Variants in FSTL4 observed in about 807,000 individuals in gnomAD.
The protein encoded by FSTL4 is follistatin like 4.
FSTL4 carries 28 observed loss-of-function variants against 78.2 expected under a neutral mutation model. The ratio of observed to expected loss-of-function variants is 0.36; its 90% CI spans 0.27 to 0.49. FSTL4 has a LOEUF of 0.49. FSTL4 is among the 20% of genes least tolerant of loss of function. The pLI, the probability that FSTL4 is intolerant of heterozygous loss-of-function variation, is 0.98. For synonymous variants in FSTL4, 422 were observed against 440.5 expected (o/e 0.96, Z 0.53); for missense variants, 922 against 1,084.9 (o/e 0.85, Z 2.11).
chr5:133,312,423 C>A, intron 6 of FSTL4: 3 of 551,884 alleles, frequency 5.4e-6, no homozygotes, highest in African/African-American at 1.9e-5. Flanking sequence ...CCTCAAAGAG[C>A]GAGAAAAATC....
At chr5:133,704,169 C>T in the FSTL4 span, among the ~76,000 whole-genome samples, 4 of 152,164 alleles carry the variant, frequency 2.6e-5, no homozygotes, top group Non-Finnish European at 4.4e-5. Flanking sequence ...GTTCTGCAAA[C>T]AGCTGTCTAT....
chr5:133,277,193 G>A (rs1313122431), intron 6 of FSTL4, among the ~76,000 whole-genome samples: 1 of 152,126 alleles, frequency 6.6e-6, no homozygotes, highest in Non-Finnish European at 1.5e-5. Context: ...GTGTGCCCCT[G>A]TAATCCCAGC....
chr5:133,343,775 A>G (rs1754639140), intron 4 of FSTL4, among the ~76,000 whole-genome samples: 1 of 152,154 alleles, frequency 6.6e-6, no homozygotes, highest in Admixed American at 6.6e-5. Context: ...ACTTGAATTC[A>G]ATTGCTAGAT....
the FSTL4 span, among the ~76,000 whole-genome samples, chr5:133,665,899 CTGTT>C: frequency 1.3e-5 from 2 of 152,222 alleles, no homozygotes; most frequent in African/African-American, 4.8e-5. Flanking sequence ...GGGAGCACCT[CTGTT>C]TGAAGCCTGC....
At chr5:133,240,225 T>A (rs377684418) in intron 7 of FSTL4, among the ~76,000 whole-genome samples, 1 of 152,162 alleles carries the variant, frequency 6.6e-6, no homozygotes, top group African/African-American at 2.4e-5. Flanking sequence ...CTTTAAGAAC[T>A]GTGACACTCA....
rs187197857 is a variant in FSTL4, at chr5:133,413,192, G to A, written c.161-12206C>T. 3.3e-3 allele frequency among the ~76,000 whole-genome samples: 496 copies of A among 152,066 alleles called. 2 individuals are homozygous for A. Among genetic ancestry groups the A allele is most frequent in the African/African-American group, 0.011 (477 of 41,498 alleles). On this transcript the variant is annotated intron_variant, in intron 3 of 15. Coordinates refer to ENST00000265342, the MANE Select transcript of FSTL4 (RefSeq NM_015082.2). ...AGAACACCTTAGAACCTTTCCTGAC[G>A]TAACTATATGACAATACTGTATATT...
intron 14 of FSTL4, among the ~76,000 whole-genome samples, chr5:133,205,434 C>T (rs1750467921): frequency 1.3e-5 from 2 of 151,918 alleles, no homozygotes; most frequent in African/African-American, 4.8e-5. Flanking sequence ...ACATGCGTCT[C>T]TCCTGTGAAA....
upstream of FSTL4, among the ~76,000 whole-genome samples, chr5:133,616,871 C>T (rs866243542): frequency 3.9e-5 from 6 of 152,288 alleles, no homozygotes; most frequent in Middle Eastern, 6.8e-3. Flanking sequence ...ACCTCTTTGA[C>T]CCTAACCTGG....
the FSTL4 span, among the ~76,000 whole-genome samples, chr5:133,683,034 G>C: frequency 6.6e-6 from 1 of 152,228 alleles, no homozygotes; most frequent in Non-Finnish European, 1.5e-5. Flanking sequence ...TTGGGATGTG[G>C]TTGAAGCCTT....
intron 4 of FSTL4, among the ~76,000 whole-genome samples, chr5:133,356,878 C>A (rs2126931122): frequency 6.6e-6 from 1 of 152,362 alleles, no homozygotes; most frequent in East Asian, 1.9e-4. Flanking sequence ...CCACATCACA[C>A]AGCCCCTTCC....
the FSTL4 span, among the ~76,000 whole-genome samples, chr5:133,764,558 A>G: frequency 6.6e-6 from 1 of 151,946 alleles, no homozygotes; most frequent in African/African-American, 2.4e-5. Context: ...TCTCCCCCAA[A>G]ACAATGCACC....
At chr5:133,291,756 C>T (rs1246623040) in intron 6 of FSTL4, among the ~76,000 whole-genome samples, 2 of 152,058 alleles carry the variant, frequency 1.3e-5, no homozygotes, top group Non-Finnish European at 2.9e-5. Context: ...AGTTCCTGTA[C>T]AGGTGTAGGG....
At chr5:133,776,141 T>G in the FSTL4 span, among the ~76,000 whole-genome samples, 1 of 151,986 alleles carries the variant, frequency 6.6e-6, no homozygotes, top group Admixed American at 6.6e-5. Flanking sequence ...GCTCCACCCA[T>G]CTCTACCCTG....
intron 6 of FSTL4, among the ~76,000 whole-genome samples, chr5:133,276,665 C>A (rs1752890981): frequency 6.6e-6 from 1 of 152,178 alleles, no homozygotes; most frequent in African/African-American, 2.4e-5. Flanking sequence ...TGTTTAAAAC[C>A]AGGCATCAAT....
intron 3 of FSTL4, among the ~76,000 whole-genome samples, chr5:133,510,588 C>T (rs1490216101): frequency 6.6e-6 from 1 of 152,072 alleles, no homozygotes; most frequent in African/African-American, 2.4e-5. Context: ...ATTTTTCCAG[C>T]AGAAGGAGAA....
intron 4 of FSTL4, among the ~76,000 whole-genome samples, chr5:133,370,375 G>A (rs1755268420): frequency 1.3e-5 from 2 of 152,062 alleles, no homozygotes; most frequent in South Asian, 4.2e-4. Flanking sequence ...CTCTAAAAGT[G>A]AAGCATCTGG....
At chr5:133,641,573 T>C in the FSTL4 span, among the ~76,000 whole-genome samples, 1 of 152,186 alleles carries the variant, frequency 6.6e-6, no homozygotes, top group South Asian at 2.1e-4. Flanking sequence ...AATAAAAGTG[T>C]ATGAATATAT....
intron 4 of FSTL4, among the ~76,000 whole-genome samples, chr5:133,343,059 CT>C (rs889075376): frequency 6.6e-6 from 1 of 152,208 alleles, no homozygotes; most frequent in African/African-American, 2.4e-5. Context: ...GGGACCACCC[CT>C]GCCGGCCCAT....
chr5:133,805,469 A>G, the FSTL4 span, among the ~76,000 whole-genome samples: 1 of 152,204 alleles, frequency 6.6e-6, no homozygotes, highest in Non-Finnish European at 1.5e-5. Flanking sequence ...TATGAAAAGA[A>G]ATGTGCAGAA....
Sources: gnomAD v4.1 joint callset for allele counts (sites outside exome capture counted in the v4.1 genomes callset) on GRCh38, gnomAD v4.1.1 for gene constraint, MANE v1.5 for transcripts, NCBI Gene and HGNC (gene_info 2026-07-23, HGNC 2026-07-21) for gene names.